The following TSHZ2 variants were observed in gnomAD, a reference collection of about 807,000 sequenced individuals.
The protein encoded by TSHZ2 is teashirt zinc finger homeobox 2.
TSHZ2 carries 21 observed loss-of-function variants against 74.4 expected under a neutral mutation model. That is an observed-to-expected ratio of 0.28 (90% CI 0.20 to 0.41). The LOEUF is 0.41. Ranked by LOEUF, TSHZ2 falls within the 10% of genes least tolerant of loss-of-function variation. The pLI is 1.00. For synonymous variants in TSHZ2, 540 were observed against 515.3 expected (o/e 1.05, Z -0.65); for missense variants, 1,244 against 1,293.5 (o/e 0.96, Z 0.59).
intron 1 of TSHZ2, among the ~76,000 whole-genome samples, chr20:53,009,084 T>A (rs1332485301): frequency 6.7e-6 from 1 of 149,240 alleles, no homozygotes; most frequent in Non-Finnish European, 1.5e-5. Flanking sequence ...ACACCAACAA[T>A]TTGGGAGGCC....
intron 2 of TSHZ2, among the ~76,000 whole-genome samples, chr20:53,325,884 C>A (rs1034002981): frequency 7.9e-5 from 12 of 152,094 alleles, no homozygotes; most frequent in Non-Finnish European, 1.2e-4. Flanking sequence ...CAGGTTCAAG[C>A]GATTCTCCTG....
intron 1 of TSHZ2, among the ~76,000 whole-genome samples, chr20:53,180,794 A>G (rs1038906890): frequency 2.0e-5 from 3 of 152,198 alleles, no homozygotes; most frequent in East Asian, 1.9e-4. Flanking sequence ...AAATAAAATG[A>G]AAAGATCACT....
intron 2 of TSHZ2, among the ~76,000 whole-genome samples, chr20:53,334,167 G>C (rs1238396628): frequency 2.0e-5 from 3 of 152,198 alleles, no homozygotes; most frequent in Non-Finnish European, 4.4e-5. Context: ...TGTGTTCTAA[G>C]GGTAAGACAC....
At chr20:52,977,787 T>C (rs559673502) in intron 1 of TSHZ2, among the ~76,000 whole-genome samples, 1 of 152,274 alleles carries the variant, frequency 6.6e-6, no homozygotes, top group African/African-American at 2.4e-5. Context: ...AATCAGCAGA[T>C]TACAAGTGAC....
chr20:53,316,866 G>A (rs958347559), intron 2 of TSHZ2, among the ~76,000 whole-genome samples: 4 of 152,034 alleles, frequency 2.6e-5, no homozygotes, highest in Non-Finnish European at 5.9e-5. Context: ...TTTTCATAAG[G>A]AGAAATTGCT....
chr20:53,448,529 T>G (rs1413966929), intron 2 of TSHZ2, among the ~76,000 whole-genome samples: 3 of 152,234 alleles, frequency 2.0e-5, no homozygotes, highest in South Asian at 4.1e-4. Flanking sequence ...AATTTCTGTG[T>G]TTCCTCAAAA....
intron 1 of TSHZ2, among the ~76,000 whole-genome samples, chr20:53,248,379 C>A (rs534594077): frequency 6.6e-6 from 1 of 152,194 alleles, no homozygotes; most frequent in African/African-American, 2.4e-5. Flanking sequence ...CAGCCATTAA[C>A]TTTTCATATG....
intron 1 of TSHZ2, among the ~76,000 whole-genome samples, chr20:53,004,018 C>T (rs1175607505): frequency 6.6e-6 from 1 of 151,970 alleles, no homozygotes. Context: ...ATTCGATGCC[C>T]TGTTTTCATC....
intron 1 of TSHZ2, among the ~76,000 whole-genome samples, chr20:53,239,655 G>A (rs1355080344): frequency 1.3e-5 from 2 of 152,104 alleles, no homozygotes; most frequent in Non-Finnish European, 2.9e-5. Context: ...GCTTAACTGC[G>A]AGCAGCAATC....
At chr20:53,455,022 A>T (rs916993984) in intron 2 of TSHZ2, among the ~76,000 whole-genome samples, 1 of 152,044 alleles carries the variant, frequency 6.6e-6, no homozygotes, top group African/African-American at 2.4e-5. Context: ...CTTCCCTGCT[A>T]TATAAAACCC....
intron 2 of TSHZ2, among the ~76,000 whole-genome samples, chr20:53,472,884 G>C (rs902149972): frequency 3.9e-5 from 6 of 152,156 alleles, no homozygotes; most frequent in African/African-American, 1.4e-4. Context: ...CCGAGTCAAA[G>C]AAAGGGGTGA....
At chr20:53,031,999 G>A (rs905503731) in intron 1 of TSHZ2, among the ~76,000 whole-genome samples, 17 of 152,158 alleles carry the variant, frequency 1.1e-4, no homozygotes, top group Non-Finnish European at 1.3e-4. Context: ...TTCAAAGCTT[G>A]AGTCTTTAAA....
intron 1 of TSHZ2, among the ~76,000 whole-genome samples, chr20:53,157,012 T>C (rs150510348): frequency 1.5e-3 from 236 of 152,274 alleles, no homozygotes; most frequent in African/African-American, 5.0e-3. Context: ...GCTTGTGCCA[T>C]CTAATTACCT....
At chr20:53,147,394 G>A (rs1160626610) in intron 1 of TSHZ2, among the ~76,000 whole-genome samples, 1 of 152,036 alleles carries the variant, frequency 6.6e-6, no homozygotes, top group Non-Finnish European at 1.5e-5. Flanking sequence ...TAACAGTTTT[G>A]TGCTATCATC....
chr20:52,981,829 G>T (rs1468751170), intron 1 of TSHZ2, among the ~76,000 whole-genome samples: 1 of 152,120 alleles, frequency 6.6e-6, no homozygotes, highest in African/African-American at 2.4e-5. Context: ...TACATACCAC[G>T]TGCTTTATAT....
At chr20:53,283,073 A>C (rs1033543393) in intron 2 of TSHZ2, among the ~76,000 whole-genome samples, 3 of 152,232 alleles carry the variant, frequency 2.0e-5, no homozygotes, top group African/African-American at 7.2e-5. Flanking sequence ...TGACAATCAT[A>C]ATTAACATGG....
At position 53,171,972 on chromosome 20, in the gene TSHZ2, AC is replaced by A. The variant is rs1455158691; in HGVS notation, c.41-81526del. Among the ~76,000 whole-genome samples the A allele has an allele frequency of 2.0e-5, 3 of 152,218 alleles. No individual in the cohort carries two copies. In the East Asian group the frequency reaches 5.8e-4, roughly 29 times the overall value. ...TCCTGCCTCATATGAATAAAGGGGA[AC>A]AAAAAAAGAACCACAAGGACATGAA... On this transcript the variant is annotated intron_variant, in intron 1 of 2. Transcript: ENST00000371497.
At chr20:53,053,637 T>C (rs1004942621) in intron 1 of TSHZ2, among the ~76,000 whole-genome samples, 1 of 152,132 alleles carries the variant, frequency 6.6e-6, no homozygotes, top group African/African-American at 2.4e-5. Flanking sequence ...TTGTGCTCTT[T>C]AGGGAAATCA....
chr20:53,434,773 CTGACAGTCCTG>C (rs1983982037), intron 2 of TSHZ2, among the ~76,000 whole-genome samples: 1 of 152,350 alleles, frequency 6.6e-6, no homozygotes, highest in African/African-American at 2.4e-5. Flanking sequence ...TCAGGGTCTG[CTGACAGTCCTG>C]TGACCATCTG....
Sources: allele counts gnomAD v4.1 joint callset (sites outside exome capture counted in the v4.1 genomes callset), GRCh38; gene constraint gnomAD v4.1.1; transcripts MANE v1.5; gene names NCBI Gene and HGNC (gene_info 2026-07-23, HGNC 2026-07-21).